The following CSNK1G3 variants were observed in gnomAD, a reference collection of about 807,000 sequenced individuals.
The protein encoded by CSNK1G3 is casein kinase 1 gamma 3.
A neutral mutation model predicts 64.3 loss-of-function variants in CSNK1G3; 23 were observed. The observed-to-expected ratio is 0.36, with a 90% CI of 0.26 to 0.51. The LOEUF (loss-of-function observed/expected upper bound fraction) is 0.51. Among genes scored for constraint, CSNK1G3 ranks in the 20% least tolerant of loss-of-function variants. The pLI is 0.96. For missense variants in CSNK1G3, 357 were observed against 510.5 expected, an observed-to-expected ratio of 0.70 and a Z score of 2.90; for synonymous variants, 158 against 162.2, an observed-to-expected ratio of 0.97 and a Z score of 0.20.
chr5:123,526,223 T>A (rs1389470516), intron 1 of CSNK1G3, among the ~76,000 whole-genome samples: 1 of 151,616 alleles, frequency 6.6e-6, no homozygotes, highest in African/African-American at 2.4e-5. Flanking sequence ...AATTTATTTA[T>A]TATTATTATT....
At chr5:123,519,502 A>G (rs960031104) in intron 1 of CSNK1G3, among the ~76,000 whole-genome samples, 2 of 152,208 alleles carry the variant, frequency 1.3e-5, no homozygotes, top group East Asian at 1.9e-4. Context: ...ATTTTTTCCT[A>G]TAAACTTGTT....
chr5:123,584,617 A>G (rs74863217), intron 6 of CSNK1G3, among the ~76,000 whole-genome samples: 11,286 of 152,176 alleles, frequency 0.074, 545 homozygotes, highest in South Asian at 0.13. Flanking sequence ...GTAACAGGGT[A>G]ATGCAGTGAG....
intron 4 of CSNK1G3, among the ~76,000 whole-genome samples, chr5:123,559,569 T>C (rs1785279585): frequency 6.6e-6 from 1 of 152,172 alleles, no homozygotes; most frequent in Non-Finnish European, 1.5e-5. Context: ...CTCTGCTCTA[T>C]GGGTGTCATT....
exon 9 of CSNK1G3, chr5:123,590,555 G>A: frequency 6.7e-7 from 1 of 1,491,574 alleles, no homozygotes; most frequent in Non-Finnish European, 8.9e-7. Flanking sequence ...TTGGTAAACA[G>A]TTGGTGAGTA....
intron 1 of CSNK1G3, among the ~76,000 whole-genome samples, chr5:123,521,903 A>G (rs1778172085): frequency 6.6e-6 from 1 of 152,126 alleles, no homozygotes; most frequent in Non-Finnish European, 1.5e-5. Context: ...ATGCTAATTT[A>G]TATTCCATAA....
intron 6 of CSNK1G3, among the ~76,000 whole-genome samples, chr5:123,580,904 TAGA>T (rs1790114814): frequency 1.3e-5 from 2 of 151,908 alleles, no homozygotes; most frequent in Admixed American, 1.3e-4. Flanking sequence ...TAAGTGTTAA[TAGA>T]AGAATGATGT....
chr5:123,552,871 G>A, intron 2 of CSNK1G3: 2 of 271,748 alleles, frequency 7.4e-6, no homozygotes, highest in Non-Finnish European at 1.4e-5. Context: ...TTTATAAGTG[G>A]GCTACTAGTA....
chr5:123,612,125 T>C (rs930380584), intron 12 of CSNK1G3, among the ~76,000 whole-genome samples: 14 of 152,254 alleles, frequency 9.2e-5, no homozygotes, highest in African/African-American at 2.7e-4. Context: ...GAGAGTAAAG[T>C]TGATAAACAT....
In CSNK1G3 at chr5:123,577,405, G is replaced by A. The variant is rs181476774; in HGVS notation, c.673+1442G>A. ...CATAGAAATATGCCTACATATATAC[G>A]TATGTATACACACACACAGAGACAT... is the stretch of plus-strand genomic sequence containing the variant. On this transcript the variant is annotated intron_variant, in intron 6 of 12. Transcript: ENST00000345990. Among the ~76,000 whole-genome samples, 441 of 152,016 alleles carry A rather than the reference G, an allele frequency of 2.9e-3. 3 individuals carry two copies. Among genetic ancestry groups the A allele is most frequent in the African/African-American group, 9.7e-3 (404 of 41,496 alleles).
intron 1 of CSNK1G3, among the ~76,000 whole-genome samples, chr5:123,520,791 A>G (rs533211870): frequency 1.7e-4 from 26 of 152,208 alleles, no homozygotes; most frequent in Middle Eastern, 6.8e-3. Context: ...TTCAGGTGGT[A>G]TACTAGGCAG....
chr5:123,582,594 C>G (rs77779977), intron 6 of CSNK1G3, among the ~76,000 whole-genome samples: 34,626 of 151,996 alleles, frequency 0.23, 4,212 homozygotes, highest in African/African-American at 0.29. Flanking sequence ...TTTAATGATA[C>G]CTATTTTAAA....
chr5:123,552,397 G>A (rs1783859205), intron 2 of CSNK1G3, among the ~76,000 whole-genome samples: 2 of 152,264 alleles, frequency 1.3e-5, no homozygotes, highest in South Asian at 4.2e-4. Flanking sequence ...ACCTGCCTCA[G>A]CCTCCCAAAG....
At chr5:123,566,476 TG>T (rs1786901277) in intron 4 of CSNK1G3, among the ~76,000 whole-genome samples, 1 of 152,136 alleles carries the variant, frequency 6.6e-6, no homozygotes, top group Non-Finnish European at 1.5e-5. Flanking sequence ...ATTCACCAGG[TG>T]TAAGAACAAA....
At chr5:123,579,009 A>C (rs567959433) in intron 6 of CSNK1G3, among the ~76,000 whole-genome samples, 15 of 152,134 alleles carry the variant, frequency 9.9e-5, no homozygotes, top group African/African-American at 3.6e-4. Context: ...TGAACCAATC[A>C]GTATATATCC....
intron 6 of CSNK1G3, among the ~76,000 whole-genome samples, chr5:123,576,997 T>C (rs999208496): frequency 9.9e-5 from 15 of 152,236 alleles, no homozygotes; most frequent in Admixed American, 2.6e-4. Flanking sequence ...TATGAACTTA[T>C]TAATTCTTAT....
chr5:123,549,317 T>C (rs1338559552), intron 2 of CSNK1G3, among the ~76,000 whole-genome samples: 1 of 152,222 alleles, frequency 6.6e-6, no homozygotes, highest in African/African-American at 2.4e-5. Context: ...CTGTATATTA[T>C]GATGTTTTGA....
At chr5:123,520,811 CTG>C (rs1777969386) in intron 1 of CSNK1G3, among the ~76,000 whole-genome samples, 1 of 151,874 alleles carries the variant, frequency 6.6e-6, no homozygotes, top group African/African-American at 2.4e-5. Flanking sequence ...GTGTATTAGA[CTG>C]TGATTTATTA....
At chr5:123,598,101 T>C (rs1315942033) in intron 10 of CSNK1G3, among the ~76,000 whole-genome samples, 1 of 152,186 alleles carries the variant, frequency 6.6e-6, no homozygotes, top group Non-Finnish European at 1.5e-5. Flanking sequence ...TGATAAACTT[T>C]TTCCATTCAC....
At chr5:123,548,689 T>G (rs1238604964) in intron 2 of CSNK1G3, among the ~76,000 whole-genome samples, 2 of 151,696 alleles carry the variant, frequency 1.3e-5, no homozygotes, top group Admixed American at 6.6e-5. Context: ...GAGGATAGCT[T>G]GATTCTAAGA....
Sources: allele counts gnomAD v4.1 joint callset (sites outside exome capture counted in the v4.1 genomes callset), GRCh38; gene constraint gnomAD v4.1.1; transcripts MANE v1.5; gene names NCBI Gene and HGNC (gene_info 2026-07-23, HGNC 2026-07-21).